The following SLC25A17 variants were observed in gnomAD, a reference collection of about 807,000 sequenced individuals.
SLC25A17 encodes the protein peroxisomal membrane protein PMP34.
In SLC25A17, 26 loss-of-function variants were observed where a neutral mutation model predicts 38.5. The ratio of observed to expected loss-of-function variants is 0.68; its 90% CI spans 0.50 to 0.94. SLC25A17 has a LOEUF of 0.94. Among genes scored for constraint, SLC25A17 ranks in the 40% least tolerant of loss-of-function variants. The pLI, the probability that SLC25A17 is intolerant of heterozygous loss-of-function variation, is 0.00. For synonymous variants in SLC25A17, 139 were observed against 136.2 expected (o/e 1.02, Z -0.14); for missense variants, 333 against 372.7 (o/e 0.89, Z 0.88).
intron 2 of SLC25A17, among the ~76,000 whole-genome samples, chr22:40,794,790 T>C (rs1282415988): frequency 6.6e-6 from 1 of 151,970 alleles, no homozygotes; most frequent in Non-Finnish European, 1.5e-5. Context: ...CAGCTAATTT[T>C]TGTATTTTAG....
intron 4 of SLC25A17, among the ~76,000 whole-genome samples, chr22:40,781,645 G>A (rs2057295768): frequency 6.6e-6 from 1 of 152,120 alleles, no homozygotes; most frequent in Non-Finnish European, 1.5e-5. Flanking sequence ...GTATTTCAAA[G>A]CTTTTTATCT....
At chr22:40,803,574 C>A (rs1226813893) in intron 1 of SLC25A17, among the ~76,000 whole-genome samples, 3 of 152,046 alleles carry the variant, frequency 2.0e-5, no homozygotes, top group Non-Finnish European at 2.9e-5. Flanking sequence ...ATTGATTCCA[C>A]ATTTTTTCTA....
At chr22:40,799,125 GT>G in intron 1 of SLC25A17, 42 bp from the exon 2 acceptor site, 1 of 1,524,854 alleles carries the variant, frequency 6.6e-7, no homozygotes, top group Non-Finnish European at 9.1e-7. Context: ...CACAAACATA[GT>G]TTAAGTCACA....
At chr22:40,809,927 A>G (rs184111328) in intron 1 of SLC25A17, among the ~76,000 whole-genome samples, 1 of 152,332 alleles carries the variant, frequency 6.6e-6, no homozygotes, top group African/African-American at 2.4e-5. Context: ...AAATACCTCC[A>G]GGAAGCTATA....
rs370404922 is a variant in SLC25A17, at chr22:40,812,096, C to T, written c.54+7099G>A. 3.3e-5 allele frequency among the ~76,000 whole-genome samples: 5 copies of T among 151,364 alleles called. No individual in the cohort carries two copies. The East Asian group carries it at 9.7e-4, about 29-fold the overall frequency. On this transcript the variant is annotated intron_variant, in intron 1 of 8. Coordinates refer to ENST00000435456, the MANE Select transcript of SLC25A17 (RefSeq NM_006358.4). Reference sequence around the variant, plus strand: ...TATTTTTAGAGATGAGGTCTCACTACATTGCCCAGGCTGGTCTCAAACTCC... The same window carrying T: ...TATTTTTAGAGATGAGGTCTCACTATATTGCCCAGGCTGGTCTCAAACTCC...
In SLC25A17 at chr22:40,802,340, C is replaced by A. The variant is rs12158806; in HGVS notation, c.55-3257G>T. 3.6e-3 allele frequency among the ~76,000 whole-genome samples: 546 copies of A among 152,182 alleles called. 5 individuals are homozygous for A. The highest frequency in any genetic ancestry group is 0.013 in the African/African-American group (526 of 41,522). On this transcript the variant is annotated intron_variant, in intron 1 of 8. Transcript: ENST00000435456. ...CATTGGTCTATTACTACCTCAAGAA[C>A]TGGCATATGAAAATTCAAATCAGGC... is the stretch of plus-strand genomic sequence containing the variant.
intron 1 of SLC25A17, among the ~76,000 whole-genome samples, chr22:40,816,624 T>C (rs977152025): frequency 3.1e-5 from 4 of 128,800 alleles, no homozygotes; most frequent in East Asian, 2.1e-4. Context: ...TTTTTTTTTT[T>C]CTTGAGACGG....
In SLC25A17 at chr22:40,792,648, C is replaced by G; in HGVS notation, c.211G>C (p.Val71Leu). ...TTGGAGCAGCAGAGACTGGAAATCACTGGAAACCACCCTCGATATGGTGCC... is the reference window on the plus strand; with the variant it reads ...TTGGAGCAGCAGAGACTGGAAATCAGTGGAAACCACCCTCGATATGGTGCC... ...LLAPYRGWFP[V>L]ISSLCCSNFV... The change falls in exon 4 of 9, where the codon GTG becomes CTG. Residue 71 changes from valine (V) to leucine (L), a missense_variant. Coordinates refer to ENST00000435456, the MANE Select transcript of SLC25A17 (RefSeq NM_006358.4). 6.2e-7 allele frequency: 1 copy of G among 1,614,100 alleles called. No homozygotes were observed. The highest frequency in any genetic ancestry group is 8.5e-7 in the Non-Finnish European group (1 of 1,179,984).
At chr22:40,801,644 AC>A (rs2057485405) in intron 1 of SLC25A17, among the ~76,000 whole-genome samples, 1 of 152,216 alleles carries the variant, frequency 6.6e-6, no homozygotes, top group Admixed American at 6.5e-5. Context: ...ACAAAGCTTT[AC>A]AAATCCTACA....
chr22:40,795,393 C>G (rs1384374822), intron 2 of SLC25A17, among the ~76,000 whole-genome samples: 1 of 151,638 alleles, frequency 6.6e-6, no homozygotes, highest in Non-Finnish European at 1.5e-5. Flanking sequence ...CCTGGGTTCA[C>G]GCCATTGTCC....
chr22:40,796,460 G>A (rs553598258), intron 2 of SLC25A17, among the ~76,000 whole-genome samples: 1,700 of 151,604 alleles, frequency 0.011, 15 homozygotes, highest in Middle Eastern at 0.024. Flanking sequence ...CCAACGTGGC[G>A]AAACCCCATC....
chr22:40,791,175 G>A (rs1182011569), intron 4 of SLC25A17, among the ~76,000 whole-genome samples: 2 of 152,222 alleles, frequency 1.3e-5, no homozygotes, highest in Admixed American at 6.5e-5. Flanking sequence ...AAGAGACAGT[G>A]AGGAGACAGA....
At chr22:40,812,484 TAAA>T (rs1369047542) in intron 1 of SLC25A17, among the ~76,000 whole-genome samples, 4 of 152,158 alleles carry the variant, frequency 2.6e-5, no homozygotes, top group Non-Finnish European at 5.9e-5. Context: ...CTTTTAAGCA[TAAA>T]ACAATGATGT....
intron 7 of SLC25A17, among the ~76,000 whole-genome samples, 175 bp downstream of exon 7, chr22:40,776,865 A>T (rs1032911954): frequency 1.3e-5 from 2 of 152,166 alleles, no homozygotes; most frequent in Non-Finnish European, 2.9e-5. Flanking sequence ...CGGTACTCCA[A>T]CCTGGGTGAC....
rs188648741 is a variant in SLC25A17, at chr22:40,790,219, T to C, written c.334+2306A>G. Among the ~76,000 whole-genome samples the C allele has an allele frequency of 4.2e-4, 63 of 151,410 alleles. 1 individual carries two copies. In the East Asian group the frequency reaches 0.012, roughly 30 times the overall value. On this transcript the variant is annotated intron_variant, in intron 4 of 8. Transcript: ENST00000435456. The stretch of plus-strand genomic sequence containing the variant: ...AGCTGGGCATGGTGGTGGGTGCCTG[T>C]AATCCCAGCTACTCAGGTGGCTGAG...
rs533697618 is a variant in SLC25A17 at position 40,818,004 on chromosome 22, C to T, written c.54+1191G>A. The stretch of plus-strand genomic sequence containing the variant: ...ATGCTGTGTCACTTAATTCTCTAAA[C>T]TCTGTGAGGTAGGTATCACTTCCCC... On this transcript the variant is annotated intron_variant, in intron 1 of 8. Transcript: ENST00000435456. Among the ~76,000 whole-genome samples, 10 of 152,342 alleles carry T rather than the reference C, an allele frequency of 6.6e-5. No homozygotes were observed. The South Asian group carries it at 2.1e-3, about 32-fold the overall frequency.
chr22:40,802,313 C>T (rs2057491038), intron 1 of SLC25A17, among the ~76,000 whole-genome samples: 1 of 152,080 alleles, frequency 6.6e-6, no homozygotes, highest in Admixed American at 6.6e-5. Context: ...GCCCAAACAG[C>T]TCATTGGTCT....
chr22:40,788,954 C>A, intron 4 of SLC25A17: 1 of 319,730 alleles, frequency 3.1e-6, no homozygotes, highest in Admixed American at 3.6e-5. Context: ...CCAACAACGG[C>A]CACACTCAGG....
chr22:40,777,480 T>A, intron 5 of SLC25A17, 107 bp from the exon 6 acceptor site: 2 of 1,279,864 alleles, frequency 1.6e-6, no homozygotes, highest in Non-Finnish European at 1.1e-6. Flanking sequence ...CCATACTGGT[T>A]CTATAAAGAT....
Sources: gnomAD v4.1 joint callset for allele counts (sites outside exome capture counted in the v4.1 genomes callset) on GRCh38, gnomAD v4.1.1 for gene constraint, MANE v1.5 for transcripts, NCBI Gene and HGNC (gene_info 2026-07-23, HGNC 2026-07-21) for gene names.